ADGRV1: variants seen among roughly 807,000 people sequenced by gnomAD.
ADGRV1 encodes G-protein coupled receptor 98.
In ADGRV1, 359 loss-of-function variants were observed where a neutral mutation model predicts 596.2. The observed-to-expected ratio is 0.60, with a 90% confidence interval of 0.55 to 0.66. The LOEUF (loss-of-function observed/expected upper bound fraction) is 0.66. ADGRV1 is among the 30% of genes least tolerant of loss of function. The probability of loss-of-function intolerance (pLI) is 0.00; values close to 1 mark genes in which losing one functional copy is unlikely to be tolerated. For synonymous variants in ADGRV1, 2,681 were observed against 2,679.2 expected (o/e 1.00, Z -0.02); for missense variants, 7,274 against 7,575.6 (o/e 0.96, Z 1.48).
chr5:91,041,338 G>C (rs1785332561), intron 85 of ADGRV1, among the ~76,000 whole-genome samples: 1 of 152,102 alleles, frequency 6.6e-6, no homozygotes, highest in Non-Finnish European at 1.5e-5. Context: ...CCTTTGCAGG[G>C]ACATGGATGA....
At chr5:91,120,003 T>C (rs978981715) in intron 87 of ADGRV1, among the ~76,000 whole-genome samples, 1 of 152,128 alleles carries the variant, frequency 6.6e-6, no homozygotes, top group Non-Finnish European at 1.5e-5. Context: ...GTAGAAAAAG[T>C]GTAGAAAAGG....
chr5:90,720,271 G>A, intron 44 of ADGRV1, 48 bp downstream of exon 44: 4 of 1,196,744 alleles, frequency 3.3e-6, no homozygotes, highest in East Asian at 2.5e-5. Flanking sequence ...CTATAAGTAG[G>A]GAATATTTTT....
At position 90,637,829 on chromosome 5, in the gene ADGRV1, A is replaced by C; in HGVS notation, c.2121A>C (p.Ile707=). 6.2e-7 allele frequency: 1 copy of C among 1,613,704 alleles called. No individual in the cohort carries two copies. The highest frequency in any genetic ancestry group is 8.5e-7 in the Non-Finnish European group (1 of 1,179,748). ...FNSKAVTPDD[I]GPFNGSVLFL... The stretch of plus-strand genomic sequence containing the variant: ...CAAAAGCAGTGACCCCGGATGATAT[A>C]GGCCCCTTTAATGGCTCTGTTTTGT... Residue 707 remains isoleucine, a synonymous_variant, in exon 11 of 90, where the codon ATA becomes ATC. Coordinates refer to ENST00000405460, the MANE Select transcript of ADGRV1 (RefSeq NM_032119.4).
rs1466562273 is a variant in ADGRV1, at chr5:90,848,667, A to G, written c.17050A>G (p.Ser5684Gly). 1 of 1,545,308 alleles carries G rather than the reference A, an allele frequency of 6.5e-7. No homozygotes were observed. The change falls in exon 79 of 90, where the codon AGT (serine) becomes GGT (glycine). Residue 5684 changes from serine (S) to glycine (G), a missense_variant. This residue lies in a region of ADGRV1 where 1,874 missense variants were observed against 1,970.2 expected (regional missense o/e 0.95). Transcript: ENST00000405460. ...ITTEGKIQAF[S>G]VASRTLFYEI... ...TACTGAAGGAAAAATTCAAGCTTTC[A>G]GTGTTGCCAGCCGAACTCTTTTCTA...
chr5:90,810,136 C>A, intron 73 of ADGRV1, 97 bp from the exon 74 acceptor site: 1 of 985,426 alleles, frequency 1.0e-6, no homozygotes, highest in Non-Finnish European at 1.5e-6. Flanking sequence ...TTGCTGCCCT[C>A]ATGAGCAGCA....
At chr5:90,871,779 G>GT (rs1581383359) in intron 83 of ADGRV1, among the ~76,000 whole-genome samples, 1 of 152,194 alleles carries the variant, frequency 6.6e-6, no homozygotes, top group Non-Finnish European at 1.5e-5. Context: ...CTAAAGAACT[G>GT]TAACAGATAT....
In ADGRV1 at chr5:91,057,024, C is replaced by G. The variant is rs116623751; in HGVS notation, c.18153-15423C>G. On this transcript the variant is annotated intron_variant, in intron 85 of 89. Transcript: ENST00000405460. ...AACCACATTTATTTAAGAATGTATT[C>G]CATTATCAAATGGCAAATTCCAACA... Among the ~76,000 whole-genome samples the G allele has an allele frequency of 8.2e-3, 1,252 of 152,270 alleles. 17 individuals carry two copies. The highest frequency in any genetic ancestry group is 0.029 in the African/African-American group (1,189 of 41,544).
At chr5:90,828,068 T>A (rs1764209501) in intron 76 of ADGRV1, among the ~76,000 whole-genome samples, 1 of 152,150 alleles carries the variant, frequency 6.6e-6, no homozygotes, top group Admixed American at 6.5e-5. Context: ...TAAGAGTGAA[T>A]CATTAGTAAA....
intron 21 of ADGRV1, among the ~76,000 whole-genome samples, chr5:90,663,560 G>C (rs906126799): frequency 3.3e-5 from 5 of 152,000 alleles, no homozygotes; most frequent in Non-Finnish European, 5.9e-5. Context: ...CATTTTGTAG[G>C]TTGCCTGTTC....
At chr5:90,930,031 A>G (rs1004852019) in intron 83 of ADGRV1, among the ~76,000 whole-genome samples, 1 of 152,208 alleles carries the variant, frequency 6.6e-6, no homozygotes, top group African/African-American at 2.4e-5. Context: ...AATTTTAGCC[A>G]TGGGTGTTGG....
At chr5:90,747,045 A>G (rs1242334701) in intron 52 of ADGRV1, among the ~76,000 whole-genome samples, 2 of 152,206 alleles carry the variant, frequency 1.3e-5, no homozygotes, top group Non-Finnish European at 2.9e-5. Flanking sequence ...CAAGGAAGGC[A>G]GATGGAGAAT....
chr5:91,157,239 A>T (rs1404573491), intron 89 of ADGRV1, among the ~76,000 whole-genome samples: 2 of 152,118 alleles, frequency 1.3e-5, no homozygotes, highest in East Asian at 3.8e-4. Context: ...CCCCTAAACA[A>T]CTTGTCAAAG....
chr5:90,608,439 G>A (rs146170268), intron 1 of ADGRV1, among the ~76,000 whole-genome samples: 169 of 152,100 alleles, frequency 1.1e-3, no homozygotes, highest in African/African-American at 3.7e-3. Flanking sequence ...CAAACAATCA[G>A]AACGGGTCAC....
At chr5:90,749,022 G>T (rs776302631) in intron 52 of ADGRV1, among the ~76,000 whole-genome samples, 32 of 152,118 alleles carry the variant, frequency 2.1e-4, no homozygotes, top group Non-Finnish European at 3.4e-4. Flanking sequence ...GCTTCCTGGG[G>T]TGAGAACCGA....
At chr5:90,726,167 C>T (rs1310543880) in intron 48 of ADGRV1, among the ~76,000 whole-genome samples, 2 of 152,176 alleles carry the variant, frequency 1.3e-5, no homozygotes, top group African/African-American at 2.4e-5. Context: ...TTCATTTTCC[C>T]AACACCAAAT....
intron 85 of ADGRV1, among the ~76,000 whole-genome samples, chr5:90,997,146 A>G (rs1420025720): frequency 6.6e-6 from 1 of 152,122 alleles, no homozygotes; most frequent in African/African-American, 2.4e-5. Context: ...ATGTGAGGAC[A>G]TGAGATTTGG....
chr5:91,020,805 G>C (rs1783570803), intron 85 of ADGRV1, among the ~76,000 whole-genome samples: 1 of 151,978 alleles, frequency 6.6e-6, no homozygotes, highest in African/African-American at 2.4e-5. Flanking sequence ...AGGATATTAA[G>C]CCTACTGAAC....
chr5:91,087,986 G>C (rs1437112573), intron 86 of ADGRV1, among the ~76,000 whole-genome samples: 1 of 152,086 alleles, frequency 6.6e-6, no homozygotes, highest in African/African-American at 2.4e-5. Context: ...ATATTCAAAA[G>C]AGATCTTTTT....
At chr5:91,053,781 G>A (rs1369523750) in intron 85 of ADGRV1, among the ~76,000 whole-genome samples, 1 of 152,140 alleles carries the variant, frequency 6.6e-6, no homozygotes, top group African/African-American at 2.4e-5. Flanking sequence ...TTAAAACACT[G>A]TCTAAGTTAC....
Sources: gnomAD v4.1 joint callset for allele counts (sites outside exome capture counted in the v4.1 genomes callset) on GRCh38, gnomAD v4.1.1 for gene constraint, gnomAD v4.1.1 regional missense constraint, MANE v1.5 for transcripts, NCBI Gene and HGNC (gene_info 2026-07-23, HGNC 2026-07-21) for gene names.